The following TTC21B variants were observed in gnomAD, a reference collection of about 807,000 sequenced individuals.
The protein encoded by TTC21B is tetratricopeptide repeat protein 21B.
A neutral mutation model predicts 175.1 loss-of-function variants in TTC21B; 127 were observed. That is an observed-to-expected ratio of 0.73 (90% CI 0.63 to 0.84). The LOEUF is 0.84. Among genes scored for constraint, TTC21B ranks in the 40% least tolerant of loss-of-function variants. The probability of loss-of-function intolerance (pLI) is 0.00; values close to 1 mark genes in which losing one functional copy is unlikely to be tolerated. For missense variants in TTC21B, 1,561 were observed against 1,558.3 expected (o/e 1.00, Z -0.03); for synonymous variants, 524 against 524.5 (o/e 1.00, Z 0.01).
chr2:165,901,354 T>C (rs922021834), intron 20 of TTC21B, among the ~76,000 whole-genome samples: 2 of 152,190 alleles, frequency 1.3e-5, no homozygotes, highest in Admixed American at 1.3e-4. Context: ...AGTCCCGCTC[T>C]GTTGCCCAGG....
intron 3 of TTC21B, chr2:165,947,180 A>ATATATATG (rs1466656875): frequency 5.4e-5 from 6 of 111,610 alleles, no homozygotes; most frequent in African/African-American, 1.7e-4. Context: ...ATATATATAT[A>ATATATATG]TATATATATA....
chr2:165,952,651 T>TA (rs1260673928), intron 1 of TTC21B, among the ~76,000 whole-genome samples: 2 of 152,088 alleles, frequency 1.3e-5, no homozygotes, highest in African/African-American at 4.8e-5. Flanking sequence ...TTTAAGGGAA[T>TA]AAAAAAATGT....
intron 18 of TTC21B, 82 bp from the exon 19 acceptor site, chr2:165,907,866 C>T: frequency 1.0e-6 from 1 of 985,828 alleles, no homozygotes; most frequent in Admixed American, 2.2e-5. Context: ...TAAAACTGGT[C>T]TCTAGAAAAA....
At chr2:165,912,353 C>A (rs868267396) in intron 17 of TTC21B, among the ~76,000 whole-genome samples, 161 bp downstream of exon 17, 1 of 152,164 alleles carries the variant, frequency 6.6e-6, no homozygotes, top group Non-Finnish European at 1.5e-5. Flanking sequence ...AATGAAGAAT[C>A]TGATAAATCT....
At chr2:165,924,382 G>A (rs1338885813) in intron 12 of TTC21B, among the ~76,000 whole-genome samples, 167 bp downstream of exon 12, 2 of 152,128 alleles carry the variant, frequency 1.3e-5, no homozygotes, top group East Asian at 1.9e-4. Context: ...AAGGATTAAA[G>A]AGTAAGTTAT....
chr2:165,918,904 CAATT>C lies in TTC21B; in HGVS notation c.1674+368_1674+371del, dbSNP rs372677966. Among the ~76,000 whole-genome samples, 6 of 152,170 alleles carry C rather than the reference CAATT, an allele frequency of 3.9e-5. 1 individual carries two copies. Among genetic ancestry groups the C allele is most frequent in the African/African-American group, 1.4e-4 (6 of 41,508 alleles). On this transcript the variant is annotated intron_variant, in intron 13 of 28. Transcript: ENST00000243344. ...AACTAAGGTCCAAGAAATAAACAGA[CAATT>C]ATTATCTTTATACATAAAAATATTT...
intron 22 of TTC21B, among the ~76,000 whole-genome samples, chr2:165,897,330 G>C (rs966023252): frequency 5.9e-5 from 9 of 152,168 alleles, no homozygotes; most frequent in Admixed American, 5.2e-4. Context: ...CACTAACAGA[G>C]GTGGTAAAAA....
intron 6 of TTC21B, among the ~76,000 whole-genome samples, chr2:165,938,773 A>G (rs1213758752): frequency 6.6e-6 from 1 of 152,044 alleles, no homozygotes; most frequent in Non-Finnish European, 1.5e-5. Context: ...GGAGAGGGAA[A>G]GAAAGAGTGA....
At chr2:165,940,927 T>G in intron 6 of TTC21B, 100 bp downstream of exon 6, 1 of 1,348,396 alleles carries the variant, frequency 7.4e-7, no homozygotes, top group Non-Finnish European at 1.0e-6. Flanking sequence ...TTGAAAAAAA[T>G]CAAATTTAAA....
Position 165,923,580 on chromosome 2 carries a change from G to T in TTC21B, c.1516+969C>A, listed in dbSNP as rs185531369. Among the ~76,000 whole-genome samples the T allele has an allele frequency of 7.6e-4, 112 of 146,916 alleles. 2 individuals carry two copies. The East Asian group carries it at 0.019, about 25-fold the overall frequency. ...CTGCCTCAGCCTCCCGAGTAGCTGG[G>T]ACTATAGGCGCCTGCCACCATGCCT... On this transcript the variant is annotated intron_variant, in intron 12 of 28. Coordinates refer to ENST00000243344, the MANE Select transcript of TTC21B (RefSeq NM_024753.5).
chr2:165,901,593 G>T, intron 20 of TTC21B, 129 bp downstream of exon 20: 1 of 885,808 alleles, frequency 1.1e-6, no homozygotes, highest in South Asian at 1.4e-5. Flanking sequence ...AAAGGGCTGG[G>T]ATTATAGGCA....
At chr2:165,881,487 G>A (rs1310471875) in intron 26 of TTC21B, among the ~76,000 whole-genome samples, 1 of 152,054 alleles carries the variant, frequency 6.6e-6, no homozygotes, top group Non-Finnish European at 1.5e-5. Context: ...ATGTCTGTCT[G>A]TCTCTCTGTG....
Position 165,943,166 on chromosome 2 carries a change from T to C in TTC21B, c.552+53A>G, listed in dbSNP as rs942017822. 9.4e-6 allele frequency: 15 copies of C among 1,590,502 alleles called. No individual in the cohort carries two copies. The African/African-American group carries it at 2.0e-4, about 21-fold the overall frequency. Reference sequence around the variant, plus strand: ...CTACTTGGTTTTGTCAGGTTTCAAATATATTATGAATATATTTTGAAACAT... The same window carrying C: ...CTACTTGGTTTTGTCAGGTTTCAAACATATTATGAATATATTTTGAAACAT... On this transcript the variant is annotated intron_variant, in intron 5 of 28. Transcript: ENST00000243344.
intron 17 of TTC21B, 23 bp from the exon 18 acceptor site, chr2:165,911,488 A>C (rs949564543): frequency 1.2e-6 from 2 of 1,613,348 alleles, no homozygotes; most frequent in Non-Finnish European, 1.7e-6. Context: ...CATTCCATTT[A>C]AGGGAACAAG....
chr2:165,899,072 T>C (rs1024801956), intron 21 of TTC21B, among the ~76,000 whole-genome samples: 4 of 152,174 alleles, frequency 2.6e-5, no homozygotes, highest in Admixed American at 2.6e-4. Flanking sequence ...ACACTCTATG[T>C]GCTGTTGTAG....
intron 19 of TTC21B, among the ~76,000 whole-genome samples, chr2:165,906,046 A>G (rs188617303): frequency 1.4e-3 from 206 of 152,142 alleles, no homozygotes; most frequent in African/African-American, 4.8e-3. Context: ...GCAAATCAGA[A>G]CTCCATAAAA....
chr2:165,892,156 G>A (rs1036183713), intron 22 of TTC21B, among the ~76,000 whole-genome samples: 5 of 152,104 alleles, frequency 3.3e-5, no homozygotes, highest in African/African-American at 1.2e-4. Flanking sequence ...ATGTTTGTGT[G>A]CTCAAGTTTC....
intron 21 of TTC21B, 104 bp downstream of exon 21, chr2:165,899,665 GC>G: frequency 1.3e-6 from 1 of 751,696 alleles, no homozygotes; most frequent in Middle Eastern, 2.4e-4. Context: ...TCTTCCAAAA[GC>G]CAACGTGAGC....
intron 14 of TTC21B, among the ~76,000 whole-genome samples, 153 bp downstream of exon 14, chr2:165,917,104 C>G (rs1686203666): frequency 6.6e-6 from 1 of 152,144 alleles, no homozygotes; most frequent in Non-Finnish European, 1.5e-5. Flanking sequence ...GTCTCGAACT[C>G]CTGACCTCAG....
Sources: gnomAD v4.1 joint callset for allele counts (sites outside exome capture counted in the v4.1 genomes callset) on GRCh38, gnomAD v4.1.1 for gene constraint, MANE v1.5 for transcripts, NCBI Gene and HGNC (gene_info 2026-07-23, HGNC 2026-07-21) for gene names.